The following WWTR1 variants were observed in gnomAD, a reference collection of about 807,000 sequenced individuals.
WWTR1 encodes WW domain-containing transcription regulator protein 1.
WWTR1 carries 13 observed loss-of-function variants against 40.1 expected under a neutral mutation model. The ratio of observed to expected loss-of-function variants is 0.32; its 90% CI spans 0.21 to 0.52. The LOEUF (loss-of-function observed/expected upper bound fraction) is 0.52. Ranked by LOEUF, WWTR1 falls within the 20% of genes least tolerant of loss-of-function variation. WWTR1 has a pLI of 0.97. For synonymous variants in WWTR1, 230 were observed against 210.1 expected (o/e 1.09, Z -0.82); for missense variants, 436 against 523.1 (o/e 0.83, Z 1.63).
intron 2 of WWTR1, among the ~76,000 whole-genome samples, chr3:149,623,409 G>A (rs1740406271): frequency 6.6e-6 from 1 of 152,136 alleles, no homozygotes; most frequent in African/African-American, 2.4e-5. Flanking sequence ...TGTGAAAATG[G>A]GAAAGAACCT....
chr3:149,706,480 G>C (rs182865558), upstream of WWTR1, among the ~76,000 whole-genome samples: 1 of 151,834 alleles, frequency 6.6e-6, no homozygotes, highest in African/African-American at 2.4e-5. Context: ...CACCACGCCC[G>C]GCTAATTTTG....
chr3:149,705,317 A>G (rs1236227499), upstream of WWTR1, among the ~76,000 whole-genome samples: 1 of 152,236 alleles, frequency 6.6e-6, no homozygotes, highest in Non-Finnish European at 1.5e-5. Flanking sequence ...TACCTAGACA[A>G]TGGATGAAAA....
Position 149,651,612 on chromosome 3 carries a change from T to A in WWTR1, c.431+5264A>T, listed in dbSNP as rs1263774292. 2.6e-5 allele frequency among the ~76,000 whole-genome samples: 4 copies of A among 152,140 alleles called. No homozygotes were observed. In the South Asian group the frequency reaches 8.3e-4, roughly 32 times the overall value. ...AAATTTAAGAAAGTCATGGTCCAAA[T>A]ATGAAAAAACTAAAAGGTAACACAA... On this transcript the variant is annotated intron_variant, in intron 2 of 6. Transcript: ENST00000360632.
At chr3:149,630,140 C>T (rs947311831) in intron 2 of WWTR1, among the ~76,000 whole-genome samples, 18 of 152,244 alleles carry the variant, frequency 1.2e-4, no homozygotes, top group East Asian at 5.8e-4. Context: ...GCCACCACAC[C>T]GGGCTAACTT....
intron 4 of WWTR1, among the ~76,000 whole-genome samples, chr3:149,721,211 C>T (rs917092241): frequency 7.2e-5 from 11 of 152,158 alleles, no homozygotes; most frequent in African/African-American, 2.6e-4. Context: ...CAGTCTTTCA[C>T]CATTAAGTAT....
chr3:149,528,616 C>T (rs1413488167), intron 4 of WWTR1, among the ~76,000 whole-genome samples: 7 of 151,974 alleles, frequency 4.6e-5, no homozygotes, highest in Admixed American at 4.6e-4. Flanking sequence ...ATGGTGAAAC[C>T]CTGTCTCTAC....
At chr3:149,628,468 G>C (rs1432690776) in intron 2 of WWTR1, among the ~76,000 whole-genome samples, 2 of 152,198 alleles carry the variant, frequency 1.3e-5, no homozygotes, top group African/African-American at 4.8e-5. Flanking sequence ...TACTGCTCTA[G>C]GAAACAGCTG....
intron 2 of WWTR1, among the ~76,000 whole-genome samples, chr3:149,613,012 A>C (rs911017776): frequency 1.3e-5 from 2 of 152,218 alleles, no homozygotes; most frequent in Non-Finnish European, 2.9e-5. Flanking sequence ...CAGTCTGAAA[A>C]CCATTCTGAA....
intron 1 of WWTR1, among the ~76,000 whole-genome samples, chr3:149,682,085 G>T (rs141563446): frequency 6.6e-6 from 1 of 152,052 alleles, no homozygotes; most frequent in Non-Finnish European, 1.5e-5. Context: ...TGTAAAAAAA[G>T]ATCAACTTTC....
intron 2 of WWTR1, among the ~76,000 whole-genome samples, chr3:149,625,122 G>GTTTTTTTGGT (rs1709710727): frequency 3.6e-5 from 4 of 111,584 alleles, no homozygotes; most frequent in Non-Finnish European, 7.3e-5. Context: ...TTTTTTTTTG[G>GTTTTTTTGGT]TTTTTTTGGT....
intron 2 of WWTR1, among the ~76,000 whole-genome samples, chr3:149,614,658 A>T (rs1739882338): frequency 6.6e-6 from 1 of 152,182 alleles, no homozygotes; most frequent in Non-Finnish European, 1.5e-5. Flanking sequence ...TCTTACAAAC[A>T]ATATGAACAT....
intron 2 of WWTR1, among the ~76,000 whole-genome samples, chr3:149,595,266 A>G (rs1049265564): frequency 2.0e-5 from 3 of 151,986 alleles, no homozygotes; most frequent in African/African-American, 7.2e-5. Flanking sequence ...AGCCTTGCCT[A>G]TAACTTCTTT....
chr3:149,628,074 GAAA>G (rs750330375), intron 2 of WWTR1, among the ~76,000 whole-genome samples: 1 of 77,898 alleles, frequency 1.3e-5, no homozygotes. Context: ...ACTCCGTCTC[GAAA>G]AAAAAAAAAA....
intron 5 of WWTR1, among the ~76,000 whole-genome samples, chr3:149,710,582 CTT>C (rs757279745): frequency 0.095 from 4,144 of 43,406 alleles, 234 homozygotes; most frequent in East Asian, 0.17. Context: ...CCCCCCCCCC[CTT>C]TTTTTTTTTT....
chr3:149,650,113 T>C (rs1712781196), intron 2 of WWTR1: 1 of 152,174 alleles, frequency 6.6e-6, no homozygotes, highest in Non-Finnish European at 1.5e-5. Context: ...TACCCATTTC[T>C]GGTATATTTG....
chr3:149,666,647 C>T (rs1415793574), intron 2 of WWTR1, among the ~76,000 whole-genome samples: 1 of 152,126 alleles, frequency 6.6e-6, no homozygotes, highest in Non-Finnish European at 1.5e-5. Context: ...CTCATAGTAA[C>T]CCTGTGAGAA....
chr3:149,562,113 G>A (rs971335245), intron 3 of WWTR1, among the ~76,000 whole-genome samples: 14 of 152,078 alleles, frequency 9.2e-5, no homozygotes, highest in Non-Finnish European at 2.1e-4. Context: ...TCGCCAACAT[G>A]GTGAAACCCT....
chr3:149,562,497 C>T (rs1332748844), intron 3 of WWTR1, among the ~76,000 whole-genome samples: 2 of 151,904 alleles, frequency 1.3e-5, no homozygotes, highest in African/African-American at 4.8e-5. Flanking sequence ...GCATTTTCTA[C>T]AGTGACCAAA....
chr3:149,613,037 T>C (rs1236728546), intron 2 of WWTR1, among the ~76,000 whole-genome samples: 3 of 152,220 alleles, frequency 2.0e-5, no homozygotes, highest in Non-Finnish European at 2.9e-5. Flanking sequence ...CCAACAGCTC[T>C]TCTTCCAAAG....
Sources: allele counts gnomAD v4.1 joint callset (sites outside exome capture counted in the v4.1 genomes callset), GRCh38; gene constraint gnomAD v4.1.1; transcripts MANE v1.5; gene names NCBI Gene and HGNC (gene_info 2026-07-23, HGNC 2026-07-21).